Variants in VEGFC observed in about 807,000 individuals in gnomAD.
VEGFC encodes FLT4 ligand DHM.
In VEGFC, 12 loss-of-function variants were observed where a neutral mutation model predicts 46.1. The observed-to-expected ratio is 0.26, with a 90% CI of 0.17 to 0.42. The LOEUF is 0.42. Among genes scored for constraint, VEGFC ranks in the 10% least tolerant of loss-of-function variants. The pLI is 1.00. For missense variants in VEGFC, 488 were observed against 529.4 expected (o/e 0.92, Z 0.77); for synonymous variants, 232 against 195.5 (o/e 1.19, Z -1.56).
At chr4:176,770,266 A>C (rs1356439230) in intron 1 of VEGFC, among the ~76,000 whole-genome samples, 1 of 152,186 alleles carries the variant, frequency 6.6e-6, no homozygotes, top group African/African-American at 2.4e-5. Context: ...TTATTGTTTA[A>C]AATTAATAGG....
chr4:176,736,377 C>T (rs1735053250), intron 1 of VEGFC, among the ~76,000 whole-genome samples: 1 of 151,710 alleles, frequency 6.6e-6, no homozygotes. Context: ...AGTTAAGAGA[C>T]TAGCTTTTAG....
rs754628535 is a variant in VEGFC at position 176,792,218 on chromosome 4, AGGC to A, written c.91_93del (p.Ala31del). 1,827 of 1,536,088 alleles carry A rather than the reference AGGC, an allele frequency of 1.2e-3. No homozygotes were observed. The highest frequency in any genetic ancestry group is 4.6e-3 in the Admixed American group (237 of 51,962). ...TCCGAGAGGTCGAGTCCGGACTCGAAGGCGGCGGCGGCGGCGGGCGCCTCGCGA... is the reference window on the plus strand; with the variant it reads ...TCCGAGAGGTCGAGTCCGGACTCGAAGGCGGCGGCGGCGGGCGCCTCGCGA... On this transcript the variant is annotated inframe_deletion, in exon 1 of 7. Coordinates refer to ENST00000618562, the MANE Select transcript of VEGFC (RefSeq NM_005429.5). This position sits in a 1 kb window ranked among gnomAD's most constrained non-coding sequence, Gnocchi z 6.3.
chr4:176,750,378 T>C (rs485561), intron 1 of VEGFC, among the ~76,000 whole-genome samples: 1,690 of 151,780 alleles, frequency 0.011, 25 homozygotes, highest in Middle Eastern at 0.099. Context: ...ACTATATTTG[T>C]TTTGAAAGTT....
intron 1 of VEGFC, among the ~76,000 whole-genome samples, chr4:176,749,859 C>T (rs1254456768): frequency 2.6e-5 from 4 of 151,384 alleles, no homozygotes; most frequent in Non-Finnish European, 5.9e-5. Context: ...AAATAAACTC[C>T]AGAACCCCTA....
intron 6 of VEGFC, among the ~76,000 whole-genome samples, chr4:176,685,405 G>T (rs1036288293): frequency 6.6e-6 from 1 of 152,100 alleles, no homozygotes; most frequent in Non-Finnish European, 1.5e-5. Context: ...TTCAAAATAT[G>T]ATATTTTCTC....
chr4:176,720,157 G>GGGC, intron 3 of VEGFC, among the ~76,000 whole-genome samples: 1 of 152,180 alleles, frequency 6.6e-6, no homozygotes, highest in East Asian at 1.9e-4. Context: ...GGGAAATGCA[G>GGGC]GGCACAGCTA....
Position 176,687,851 on chromosome 4 carries a change from C to A in VEGFC, c.781G>T (p.Asp261Tyr), listed in dbSNP as rs1219630611. 7 of 1,611,728 alleles carry A rather than the reference C, an allele frequency of 4.3e-6. No homozygotes were observed. Among genetic ancestry groups the A allele is most frequent in the Non-Finnish European group, 5.9e-6 (7 of 1,179,058 alleles). The stretch of plus-strand genomic sequence containing the variant: ...CCAGCATCCGAGGAAAACATAAAAT[C>A]TTCCTGAGCCAGGCATCTGCAGATG... ...NHICRCLAQE[D>Y]FMFSSDAGDD... The change falls in exon 5 of 7, where the codon GAT becomes TAT. Residue 261 changes from aspartate (D) to tyrosine (Y), a missense_variant. Physicochemically the swap from Asp to Tyr is radical, Grantham distance 160. Transcript: ENST00000618562.
At chr4:176,749,243 T>C (rs924454024) in intron 1 of VEGFC, among the ~76,000 whole-genome samples, 1 of 151,820 alleles carries the variant, frequency 6.6e-6, no homozygotes, top group African/African-American at 2.4e-5. Context: ...CTCCCTCCAC[T>C]GACAATTAAA....
In VEGFC at chr4:176,691,479, C is replaced by T. The variant is rs544011039; in HGVS notation, c.705-3552G>A. 8.1e-4 allele frequency among the ~76,000 whole-genome samples: 124 copies of T among 152,238 alleles called. 1 individual carries two copies. The highest frequency in any genetic ancestry group is 1.5e-3 in the Non-Finnish European group (105 of 67,998). On this transcript the variant is annotated intron_variant, in intron 4 of 6. Coordinates refer to ENST00000618562, the MANE Select transcript of VEGFC (RefSeq NM_005429.5). ...CCCCACCGACCCCACCACACACACA[C>T]ACAGGCACAACCACAATCCTGCCTA...
intron 1 of VEGFC, among the ~76,000 whole-genome samples, chr4:176,732,068 A>C (rs1295578175): frequency 6.6e-6 from 1 of 151,866 alleles, no homozygotes; most frequent in Non-Finnish European, 1.5e-5. Flanking sequence ...TAAAATGAAA[A>C]TTTTTGTATG....
chr4:176,686,647 A>AT lies in VEGFC; in HGVS notation c.1145+539dup, dbSNP rs1236426003. On this transcript the variant is annotated intron_variant, in intron 6 of 6. Coordinates refer to ENST00000618562, the MANE Select transcript of VEGFC (RefSeq NM_005429.5). ...GAATGTGCTTGAGTCGAATAACTTC[A>AT]TTTTTTTTTTCTTGATGCAGAAGAG... 1.9e-3 allele frequency among the ~76,000 whole-genome samples: 292 copies of AT among 150,536 alleles called. 9 individuals carry two copies. The East Asian group carries it at 0.05, about 26-fold the overall frequency.
At chr4:176,791,226 C>T (rs1472727104) in intron 1 of VEGFC, among the ~76,000 whole-genome samples, 3 of 152,132 alleles carry the variant, frequency 2.0e-5, no homozygotes, top group Non-Finnish European at 4.4e-5. Context: ...ATAGTTCCAG[C>T]AAGGGGTACT....
chr4:176,698,668 A>G (rs889001186), intron 4 of VEGFC, among the ~76,000 whole-genome samples: 2 of 152,096 alleles, frequency 1.3e-5, no homozygotes, highest in Non-Finnish European at 2.9e-5. Context: ...TCTCCAGAGC[A>G]TATTCACCTT....
intron 4 of VEGFC, among the ~76,000 whole-genome samples, chr4:176,691,952 C>T (rs1332859457): frequency 2.6e-5 from 4 of 152,044 alleles, no homozygotes; most frequent in East Asian, 3.9e-4. Context: ...GCACCGTGCG[C>T]GAGCCGAAGC....
chr4:176,698,457 T>C (rs34068058), intron 4 of VEGFC, among the ~76,000 whole-genome samples: 73,415 of 151,874 alleles, frequency 0.48, 21,101 homozygotes, highest in East Asian at 0.87. Context: ...TCCAGCTTTA[T>C]TGAAGTATGA....
chr4:176,725,853 TTAA>T (rs1734866222), intron 3 of VEGFC, among the ~76,000 whole-genome samples: 1 of 152,096 alleles, frequency 6.6e-6, no homozygotes, highest in Admixed American at 6.6e-5. Context: ...ATTTTAATTA[TTAA>T]TATGTTTTAA....
chr4:176,725,594 A>G (rs887025593), intron 3 of VEGFC, among the ~76,000 whole-genome samples: 1 of 152,230 alleles, frequency 6.6e-6, no homozygotes, highest in Non-Finnish European at 1.5e-5. Flanking sequence ...AACAGTATCC[A>G]AAGTACCTTG....
intron 1 of VEGFC, among the ~76,000 whole-genome samples, chr4:176,736,816 A>C (rs1735062332): frequency 6.6e-6 from 1 of 151,592 alleles, no homozygotes; most frequent in Admixed American, 6.6e-5. Flanking sequence ...ATTCCTAATA[A>C]GGTACTGTTC....
intron 1 of VEGFC, among the ~76,000 whole-genome samples, chr4:176,779,043 T>G (rs1735863524): frequency 6.6e-6 from 1 of 152,220 alleles, no homozygotes. Context: ...TATGCTAGAA[T>G]GTATAGTGCT....
Sources: gnomAD v4.1 joint callset for allele counts (sites outside exome capture counted in the v4.1 genomes callset) on GRCh38, gnomAD v4.1.1 for gene constraint, Gnocchi (gnomAD v3.1) non-coding constraint, MANE v1.5 for transcripts, NCBI Gene and HGNC (gene_info 2026-07-23, HGNC 2026-07-21) for gene names.